The following ANAPC4 variants were observed in gnomAD, a reference collection of about 807,000 sequenced individuals.
ANAPC4 encodes the protein anaphase promoting complex subunit 4.
Under a neutral mutation model 119.8 loss-of-function variants are expected in ANAPC4, and 63 were observed. The observed-to-expected ratio is 0.53, with a 90% CI of 0.43 to 0.65. ANAPC4 has a LOEUF of 0.65. Among genes scored for constraint, ANAPC4 ranks in the 30% least tolerant of loss-of-function variants. The pLI is 0.00. For synonymous variants in ANAPC4, 283 were observed against 318.6 expected (o/e 0.89, Z 1.19); for missense variants, 716 against 945.1 (o/e 0.76, Z 3.18).
chr4:25,407,691 T>C (rs1344198965), intron 20 of ANAPC4, among the ~76,000 whole-genome samples: 4 of 127,188 alleles, frequency 3.1e-5, no homozygotes, highest in Non-Finnish European at 7.5e-5. Context: ...TATTAGGTAT[T>C]AAAAATTAAA....
At chr4:25,390,788 G>C in intron 8 of ANAPC4, 123 bp from the exon 9 acceptor site, 9 of 676,028 alleles carry the variant, frequency 1.3e-5, no homozygotes, top group Non-Finnish European at 1.8e-5. Context: ...TGCTACATGT[G>C]TGTGGCTGGA....
At chr4:25,407,090 TAAC>T (rs1439585292) in intron 19 of ANAPC4, 104 bp from the exon 20 acceptor site, 1 of 982,648 alleles carries the variant, frequency 1.0e-6, no homozygotes, top group East Asian at 2.6e-5. Context: ...AAGAAAATAA[TAAC>T]TGCCACTCAC....
intron 18 of ANAPC4, 101 bp from the exon 19 acceptor site, chr4:25,406,728 T>C (rs1026786011): frequency 1.1e-6 from 1 of 875,716 alleles, no homozygotes; most frequent in South Asian, 1.6e-5. Context: ...CCATGGCTTT[T>C]AGTAGATAGT....
Position 25,380,428 on chromosome 4 carries a change from G to A in ANAPC4, c.184G>A (p.Glu62Lys). The change falls in exon 3 of 29, where the codon GAA becomes AAA. Residue 62 changes from glutamate to lysine, a missense_variant. Glu to Lys is a moderately conservative substitution (Grantham distance 56). Transcript: ENST00000315368. ...TCGAGTTTGGAGTTTTCCACCAAAT[G>A]AAAATACAGGAAAGGAGGTGACGTG... ...FHRVWSFPPN[E>K]NTGKEVTCLA... 1 of 1,613,256 alleles carries A rather than the reference G, an allele frequency of 6.2e-7. No individual in the cohort carries two copies. Among genetic ancestry groups the A allele is most frequent in the Non-Finnish European group, 8.5e-7 (1 of 1,179,558 alleles).
At chr4:25,397,062 ATAAAG>A (rs1280381635) in intron 16 of ANAPC4, among the ~76,000 whole-genome samples, 163 bp downstream of exon 16, 5 of 152,226 alleles carry the variant, frequency 3.3e-5, no homozygotes, top group African/African-American at 1.2e-4. Flanking sequence ...CAGAGAATTT[ATAAAG>A]TAAAGCTGTA....
At chr4:25,384,684 C>G (rs543103204) in intron 4 of ANAPC4, among the ~76,000 whole-genome samples, 1 of 151,974 alleles carries the variant, frequency 6.6e-6, no homozygotes, top group South Asian at 2.1e-4. Flanking sequence ...TAGCTATAGT[C>G]CCAGCTGCTC....
At chr4:25,407,728 A>C (rs1274896606) in intron 20 of ANAPC4, among the ~76,000 whole-genome samples, 1 of 152,008 alleles carries the variant, frequency 6.6e-6, no homozygotes. Context: ...TCCCTAATTC[A>C]CTCAAAAATA....
chr4:25,409,848 T>G (rs1483693139), intron 21 of ANAPC4, 57 bp downstream of exon 21: 5 of 1,234,710 alleles, frequency 4.0e-6, no homozygotes, highest in East Asian at 2.4e-5. Context: ...AGACTAGGTC[T>G]TGAATAGTTC....
intron 10 of ANAPC4, 118 bp from the exon 11 acceptor site, chr4:25,393,687 A>T (rs1216500818): frequency 1.8e-6 from 1 of 557,914 alleles, no homozygotes; most frequent in Non-Finnish European, 3.1e-6. Flanking sequence ...AAAATAAAAC[A>T]GTGATTGAAA....
intron 16 of ANAPC4, among the ~76,000 whole-genome samples, 196 bp from the exon 17 acceptor site, chr4:25,402,775 C>A (rs1723046035): frequency 1.3e-5 from 2 of 152,030 alleles, no homozygotes; most frequent in African/African-American, 4.8e-5. Flanking sequence ...TTTTTATAAT[C>A]AGTATTTTCT....
At chr4:25,409,628 T>C in intron 20 of ANAPC4, 70 bp from the exon 21 acceptor site, 1 of 1,225,944 alleles carries the variant, frequency 8.2e-7, no homozygotes, top group Non-Finnish European at 1.2e-6. Flanking sequence ...TTTTGTCTTT[T>C]ACTTTTTTTC....
At chr4:25,416,284 A>G (rs1723866554) in intron 26 of ANAPC4, 141 bp from the exon 27 acceptor site, 3 of 471,220 alleles carry the variant, frequency 6.4e-6, no homozygotes, top group Non-Finnish European at 1.1e-5. Context: ...ATACAAACCA[A>G]TGATATATTT....
chr4:25,403,488 TA>T (rs932587369), intron 17 of ANAPC4, among the ~76,000 whole-genome samples: 2 of 152,136 alleles, frequency 1.3e-5, no homozygotes, highest in African/African-American at 4.8e-5. Flanking sequence ...AATAACATTT[TA>T]AAAAATTTTT....
rs142596509 is a variant in ANAPC4, at chr4:25,417,617, C to T, written c.2077C>T (p.Leu693=). The T allele has an allele frequency of 8.2e-6, 13 of 1,590,856 alleles. No homozygotes were observed. Among genetic ancestry groups the T allele is most frequent in the Non-Finnish European group, 1.0e-5 (12 of 1,171,948 alleles). ...GAGTTGGTTTTTTTCCCTCTTTAGG[C>T]TAGATGAACAGTGTAGTGCTATTCC... is the stretch of plus-strand genomic sequence containing the variant. ...YQFTGTYSTR[L]DEQCSAIPTR... Residue 693 remains leucine (L), a splice_region_variant and synonymous_variant, in exon 28 of 29, where the codon CTA becomes TTA. Transcript: ENST00000315368.
At chr4:25,412,557 A>C (rs941111159) in intron 21 of ANAPC4, among the ~76,000 whole-genome samples, 2 of 152,020 alleles carry the variant, frequency 1.3e-5, no homozygotes, top group Admixed American at 6.6e-5. Context: ...TGAGATCAGG[A>C]GTTCGAGACC....
chr4:25,394,037 C>A, intron 11 of ANAPC4, 146 bp downstream of exon 11: 1 of 745,368 alleles, frequency 1.3e-6, no homozygotes, highest in South Asian at 2.2e-5. Context: ...CTTCAAACTG[C>A]TTCCTCAGAT....
At chr4:25,397,698 G>A (rs543355481) in intron 16 of ANAPC4, among the ~76,000 whole-genome samples, 116 of 150,332 alleles carry the variant, frequency 7.7e-4, no homozygotes, top group African/African-American at 2.7e-3. Context: ...TGTGCTTTTT[G>A]TTGCTGATGG....
At chr4:25,409,069 G>C (rs377465580) in intron 20 of ANAPC4, among the ~76,000 whole-genome samples, 6 of 152,124 alleles carry the variant, frequency 3.9e-5, no homozygotes, top group African/African-American at 1.4e-4. Context: ...CCCACCATCA[G>C]TACAAATGTT....
chr4:25,391,092 C>G (rs1722324836), intron 9 of ANAPC4, 77 bp downstream of exon 9: 1 of 1,095,164 alleles, frequency 9.1e-7, no homozygotes, highest in African/African-American at 1.6e-5. Flanking sequence ...ATCCACATCT[C>G]ACTGTATTGT....
Sources: allele counts gnomAD v4.1 joint callset (sites outside exome capture counted in the v4.1 genomes callset), GRCh38; gene constraint gnomAD v4.1.1; transcripts MANE v1.5; gene names NCBI Gene and HGNC (gene_info 2026-07-23, HGNC 2026-07-21).